DNAAF9: variants seen among roughly 807,000 people sequenced by gnomAD.
DNAAF9 encodes shulin.
DNAAF9 carries 90 observed loss-of-function variants against 167.0 expected under a neutral mutation model. That is an observed-to-expected ratio of 0.54 (90% CI 0.45 to 0.64). DNAAF9 has a LOEUF of 0.64. Among genes scored for constraint, DNAAF9 ranks in the 30% least tolerant of loss-of-function variants. The pLI is 0.00. For missense variants in DNAAF9, 1,315 were observed against 1,442.2 expected (o/e 0.91, Z 1.43); for synonymous variants, 491 against 508.8 (o/e 0.96, Z 0.47).
At chr20:3,347,675 C>A (rs1369281695) in intron 8 of DNAAF9, among the ~76,000 whole-genome samples, 3 of 152,144 alleles carry the variant, frequency 2.0e-5, no homozygotes, top group Non-Finnish European at 4.4e-5. Flanking sequence ...CGCCTGTAAT[C>A]TCAGCACTTT....
intron 3 of DNAAF9, 110 bp downstream of exon 3, chr20:3,381,269 G>T (rs1002415376): frequency 5.8e-6 from 5 of 866,936 alleles, no homozygotes; most frequent in South Asian, 2.7e-5. Context: ...ACGTTTACTG[G>T]GGCTTTGGAC....
chr20:3,274,090 T>C (rs2068638488), intron 29 of DNAAF9, among the ~76,000 whole-genome samples: 1 of 152,156 alleles, frequency 6.6e-6, no homozygotes, highest in Non-Finnish European at 1.5e-5. Flanking sequence ...AGAAAAAAAG[T>C]TCTTTTGAAT....
At chr20:3,289,674 C>G (rs981774731) in intron 26 of DNAAF9, among the ~76,000 whole-genome samples, 7 of 152,038 alleles carry the variant, frequency 4.6e-5, no homozygotes, top group African/African-American at 1.7e-4. Flanking sequence ...TGCATGCCAC[C>G]ACGTTCGGCT....
Position 3,375,080 on chromosome 20 carries a change from A to G in DNAAF9, c.455T>C (p.Val152Ala). The G allele has an allele frequency of 3.1e-6, 5 of 1,612,598 alleles. No homozygotes were observed. Among genetic ancestry groups the G allele is most frequent in the Non-Finnish European group, 4.2e-6 (5 of 1,178,624 alleles). ...AAEEFKITSFVDMVRDCSRIG... is the reference protein window; with the variant it reads ...AAEEFKITSFADMVRDCSRIG... The stretch of plus-strand genomic sequence containing the variant: ...TCTACTACAGTCTCGAACCATGTCC[A>G]CAAAGCTGGTAATTTTAAATTCTTC... Residue 152 changes from valine (V) to alanine (A), a missense_variant, in exon 5 of 37, where the codon GTG becomes GCG. Coordinates refer to ENST00000252032, the MANE Select transcript of DNAAF9 (RefSeq NM_001009984.3).
chr20:3,305,763 C>A (rs1179318705), intron 20 of DNAAF9, among the ~76,000 whole-genome samples: 1 of 152,132 alleles, frequency 6.6e-6, no homozygotes, highest in Non-Finnish European at 1.5e-5. Flanking sequence ...AGAACTGGCA[C>A]CTGCCTCTCA....
rs748597709 is a variant in DNAAF9, at chr20:3,249,749, T to C, written c.*2823A>G. 3 of 152,200 alleles carry C rather than the reference T, an allele frequency of 2.0e-5. No homozygotes were observed. The highest frequency in any genetic ancestry group is 4.4e-5 in the Non-Finnish European group (3 of 68,034). 9.4% of individuals were successfully genotyped at this position (152,200 alleles called of 1,614,324 possible). A position where few individuals can be genotyped will look rare whatever the true frequency, so the allele number is the denominator to read the frequency against. On this transcript the variant is annotated 3_prime_UTR_variant, in exon 37 of 37. Coordinates refer to ENST00000252032, the MANE Select transcript of DNAAF9 (RefSeq NM_001009984.3). The stretch of plus-strand genomic sequence containing the variant: ...ATCTTTGAATTGAACTTTTCCCTTT[T>C]GAGAAGCCCAAGGAGCAACCCAGAG...
intron 27 of DNAAF9, among the ~76,000 whole-genome samples, chr20:3,285,586 C>T (rs2068836712): frequency 6.9e-6 from 1 of 145,620 alleles, no homozygotes; most frequent in African/African-American, 2.6e-5. Flanking sequence ...GGCTGAGGCA[C>T]GAGAATTGCT....
At chr20:3,311,371 C>T (rs2123018027) in intron 20 of DNAAF9, among the ~76,000 whole-genome samples, 1 of 152,170 alleles carries the variant, frequency 6.6e-6, no homozygotes, top group South Asian at 2.1e-4. Context: ...AGCAATCCTC[C>T]TGCCTCAGCC....
Position 3,256,165 on chromosome 20 carries a change from G to C in DNAAF9, c.3102C>G (p.Ser1034=), listed in dbSNP as rs1176513339. The change falls in exon 34 of 37, where the codon TCC becomes TCG. Residue 1034 remains serine, a synonymous_variant. Transcript: ENST00000252032. The part of the protein sequence containing the change: ...MEVCYNTLAN[S]LSIMPVLEGP... ...CTTCCAAAACTGGCATGATGCTCAA[G>C]GAGTTGGCCAGTGTGTTGTAGCAGA... 6.2e-7 allele frequency: 1 copy of C among 1,614,122 alleles called. No individual in the cohort carries two copies. Among genetic ancestry groups the C allele is most frequent in the Non-Finnish European group, 8.5e-7 (1 of 1,180,054 alleles).
At chr20:3,308,728 G>A (rs1376930270) in intron 20 of DNAAF9, among the ~76,000 whole-genome samples, 2 of 151,590 alleles carry the variant, frequency 1.3e-5, no homozygotes, top group African/African-American at 4.8e-5. Flanking sequence ...TGTAATCCCA[G>A]CACTTTGGGA....
chr20:3,328,231 G>C (rs1233314975), intron 12 of DNAAF9, among the ~76,000 whole-genome samples: 35 of 137,276 alleles, frequency 2.5e-4, no homozygotes, highest in Admixed American at 2.4e-3. Context: ...ACCCAGGCTA[G>C]AGTACACTGG....
At chr20:3,379,064 G>A (rs895920687) in intron 3 of DNAAF9, among the ~76,000 whole-genome samples, 4 of 151,858 alleles carry the variant, frequency 2.6e-5, no homozygotes, top group Non-Finnish European at 5.9e-5. Context: ...ACCACCTGCA[G>A]AGGAATGAGA....
rs1393713509 is a variant in DNAAF9 at position 3,343,600 on chromosome 20, C to A, written c.845+76G>T. On this transcript the variant is annotated intron_variant, in intron 9 of 36. Transcript: ENST00000252032. ...ACTCTAGCTTCTGAACTTGAATGCA[C>A]CCCCACAGCCAACCCCTTTGCCACC... 11 of 1,111,996 alleles carry A rather than the reference C, an allele frequency of 9.9e-6. No individual in the cohort carries two copies. The African/African-American group carries it at 1.2e-4, about 13-fold the overall frequency. The allele number at this position is 1,111,996 out of a possible 1,614,324, so 68.9% of individuals were successfully genotyped here.
chr20:3,357,151 T>G (rs766070930), intron 7 of DNAAF9, among the ~76,000 whole-genome samples: 1 of 152,194 alleles, frequency 6.6e-6, no homozygotes, highest in Non-Finnish European at 1.5e-5. Flanking sequence ...TTTCAAATAC[T>G]CTGATATGTA....
At chr20:3,374,294 T>C (rs1457729633) in intron 5 of DNAAF9, 140 bp from the exon 6 acceptor site, 2 of 492,146 alleles carry the variant, frequency 4.1e-6, no homozygotes, top group Non-Finnish European at 7.3e-6. Context: ...TACAAACAGA[T>C]AAAATGGTTA....
chr20:3,320,289 C>A (rs758639082), intron 16 of DNAAF9, among the ~76,000 whole-genome samples: 2 of 152,160 alleles, frequency 1.3e-5, no homozygotes, highest in Admixed American at 6.6e-5. Context: ...ACTGCAACTG[C>A]AAGGACTATA....
rs139234911 is a variant in DNAAF9 at position 3,366,285 on chromosome 20, A to G, written c.613-6692T>C. 9.3e-4 allele frequency among the ~76,000 whole-genome samples: 142 copies of G among 152,330 alleles called. 1 individual carries two copies. The highest frequency in any genetic ancestry group is 3.2e-3 in the African/African-American group (135 of 41,574). On this transcript the variant is annotated intron_variant, in intron 6 of 36. Transcript: ENST00000252032. Reference sequence around the variant, plus strand: ...ATGGATGTTGTGTTAGTAGGCATGAAAACAACATTAATCCTCTTGTATACC... The same window carrying G: ...ATGGATGTTGTGTTAGTAGGCATGAGAACAACATTAATCCTCTTGTATACC...
chr20:3,252,556 C>T lies in DNAAF9; in HGVS notation c.*16G>A, dbSNP rs754522959. 5.4e-5 allele frequency: 74 copies of T among 1,379,444 alleles called. No individual in the cohort carries two copies. The highest frequency in any genetic ancestry group is 7.0e-5 in the Non-Finnish European group (68 of 965,888). 85.5% of individuals were successfully genotyped at this position (1,379,444 alleles called of 1,614,324 possible). ...CAAGGTGGACATTCTGCAGGACGTACGGGCCCAGCCTTCCTCTAGGGCTTC... is the reference window on the plus strand; with the variant it reads ...CAAGGTGGACATTCTGCAGGACGTATGGGCCCAGCCTTCCTCTAGGGCTTC... On this transcript the variant is annotated 3_prime_UTR_variant, in exon 37 of 37. Coordinates refer to ENST00000252032, the MANE Select transcript of DNAAF9 (RefSeq NM_001009984.3).
intron 27 of DNAAF9, among the ~76,000 whole-genome samples, chr20:3,282,481 T>C (rs2068779893): frequency 6.6e-6 from 1 of 152,226 alleles, no homozygotes; most frequent in African/African-American, 2.4e-5. Flanking sequence ...CTTCTGTCCT[T>C]GCCTCTCTCT....
Sources: allele counts gnomAD v4.1 joint callset (sites outside exome capture counted in the v4.1 genomes callset), GRCh38; gene constraint gnomAD v4.1.1; transcripts MANE v1.5; gene names NCBI Gene and HGNC (gene_info 2026-07-23, HGNC 2026-07-21).